Variants in CYB561A3 observed in about 807,000 individuals in gnomAD.
CYB561A3 encodes cytochrome b561 family member A3, also known as lysosomal membrane ascorbate-dependent ferrireductase CYB561A3.
CYB561A3 carries 16 observed loss-of-function variants against 25.3 expected under a neutral mutation model. The observed-to-expected ratio is 0.63, with a 90% CI of 0.43 to 0.96. CYB561A3 has a LOEUF of 0.96. Among genes scored for constraint, CYB561A3 ranks in the 40% least tolerant of loss-of-function variants. CYB561A3 has a pLI of 0.00. For missense variants in CYB561A3, 219 were observed against 307.5 expected (o/e 0.71, Z 2.15); for synonymous variants, 131 against 129.9 (o/e 1.01, Z -0.06).
chr11:61,349,692 G>T lies in CYB561A3; in HGVS notation c.*707C>A, dbSNP rs1197308445. 2.8e-6 allele frequency: 2 copies of T among 701,834 alleles called. No homozygotes were observed. The highest frequency in any genetic ancestry group is 2.0e-5 in the Admixed American group (1 of 49,982). The allele number at this position is 701,834 out of a possible 1,614,324, so 43.5% of individuals were successfully genotyped here. ...TCACAATACATGCAGACACAGAGCA[G>T]CAATACGAAACAGAACAGCTCAGAG... On this transcript the variant is annotated 3_prime_UTR_variant, in exon 7 of 7. Coordinates refer to ENST00000294072, the MANE Select transcript of CYB561A3 (RefSeq NM_153611.6).
At chr11:61,353,400 C>T (rs1857509688) in intron 4 of CYB561A3, 4 of 607,374 alleles carry the variant, frequency 6.6e-6, no homozygotes, top group South Asian at 3.8e-5. Context: ...TCCTTCCAGT[C>T]CTTGCTCATA....
chr11:61,354,059 C>T (rs1857543478), intron 3 of CYB561A3, 67 bp from the exon 4 acceptor site: 6 of 1,550,306 alleles, frequency 3.9e-6, no homozygotes, highest in Non-Finnish European at 4.4e-6. Flanking sequence ...CAGGGAATAA[C>T]CCTGATAGGA....
At chr11:61,354,895 G>C (rs1251317527) in intron 3 of CYB561A3, among the ~76,000 whole-genome samples, 1 of 139,640 alleles carries the variant, frequency 7.2e-6, no homozygotes, top group Non-Finnish European at 1.5e-5. Context: ...TTGAGACAGA[G>C]TCTCGTTCTA....
intron 3 of CYB561A3, 102 bp downstream of exon 3, chr11:61,356,428 A>T: frequency 1.3e-5 from 12 of 950,932 alleles, no homozygotes; most frequent in African/African-American, 1.7e-5. Flanking sequence ...CTACCCCCAT[A>T]GCCCCAAGCC....
At chr11:61,357,418 C>G in intron 2 of CYB561A3, 1 of 567,242 alleles carries the variant, frequency 1.8e-6, no homozygotes, top group Non-Finnish European at 3.1e-6. Flanking sequence ...ACTCATGGTC[C>G]AGAAAGCAAG....
intron 1 of CYB561A3, chr11:61,359,367 A>G (rs1212822330): frequency 2.0e-5 from 3 of 152,188 alleles, no homozygotes; most frequent in African/African-American, 7.2e-5. Flanking sequence ...ACCCAGCCTC[A>G]GAACTGCCTC....
intron 5 of CYB561A3, chr11:61,351,645 G>T (rs1452492378): frequency 6.6e-6 from 1 of 152,106 alleles, no homozygotes; most frequent in African/African-American, 2.4e-5. Flanking sequence ...GCCAGGTGCA[G>T]CGGCTCACTC....
chr11:61,357,086 A>T, intron 2 of CYB561A3: 1 of 1,438,478 alleles, frequency 7.0e-7, no homozygotes, highest in African/African-American at 1.4e-5. Context: ...CATACCCCCC[A>T]GGAAAAAAGG....
intron 3 of CYB561A3, among the ~76,000 whole-genome samples, chr11:61,354,915 C>T (rs1347377562): frequency 6.9e-6 from 1 of 144,454 alleles, no homozygotes; most frequent in Non-Finnish European, 1.5e-5. Context: ...ATCATCCAGG[C>T]TGGAGTGCAG....
chr11:61,359,688 T>A (rs1176541604), intron 1 of CYB561A3: 1 of 152,176 alleles, frequency 6.6e-6, no homozygotes, highest in Non-Finnish European at 1.5e-5. Context: ...AGATAAGCCC[T>A]CCTACTTCCT....
chr11:61,353,251 A>C, intron 4 of CYB561A3, 112 bp from the exon 5 acceptor site: 1 of 1,359,190 alleles, frequency 7.4e-7, no homozygotes, highest in Non-Finnish European at 9.8e-7. Flanking sequence ...TTCACAACTC[A>C]AACCTTCCCA....
chr11:61,349,887 G>A lies in CYB561A3; in HGVS notation c.*512C>T, dbSNP rs544280972. ...AAATGCACACCTTTATGGGGGAAGT[G>A]GACGGACACCTCACCTCCCTCATGT... On this transcript the variant is annotated 3_prime_UTR_variant, in exon 7 of 7. Transcript: ENST00000294072. The A allele has an allele frequency of 1.1e-4, 57 of 536,882 alleles. No homozygotes were observed. The South Asian group carries it at 1.1e-3, about 11-fold the overall frequency. 33.3% of individuals were successfully genotyped at this position (536,882 alleles called of 1,614,324 possible).
intron 3 of CYB561A3, chr11:61,354,689 T>G (rs1857571301): frequency 6.6e-6 from 1 of 152,090 alleles, no homozygotes; most frequent in Non-Finnish European, 1.5e-5. Flanking sequence ...CTCATTCTAT[T>G]TTCACAATAA....
intron 1 of CYB561A3, chr11:61,361,214 C>T (rs1485812114): frequency 6.6e-6 from 1 of 152,192 alleles, no homozygotes; most frequent in African/African-American, 2.4e-5. Context: ...AAGAAAATGA[C>T]TTAGCCAAGG....
At position 61,349,841 on chromosome 11, in the gene CYB561A3, T is replaced by G. The variant is rs556842351; in HGVS notation, c.*558A>C. On this transcript the variant is annotated 3_prime_UTR_variant, in exon 7 of 7. Coordinates refer to ENST00000294072, the MANE Select transcript of CYB561A3 (RefSeq NM_153611.6). ...ATGGCAGAGCAGATGAAGCCTGCTC[T>G]GTGGCGGGGCAGCCTAACTGAAATG... The G allele has an allele frequency of 2.8e-5, 16 of 581,538 alleles. 1 individual carries two copies. In the South Asian group the frequency reaches 3.1e-4, roughly 11 times the overall value. The allele number at this position is 581,538 out of a possible 1,614,324, so 36.0% of individuals were successfully genotyped here.
Position 61,349,530 on chromosome 11 carries a change from G to A in CYB561A3, c.*869C>T, listed in dbSNP as rs1029796775. On this transcript the variant is annotated 3_prime_UTR_variant, in exon 7 of 7. Transcript: ENST00000294072. ...ACTCATCGCTACTGGGACATCTGGG[G>A]ACAGGCTCTGTTCTTGGGAGAGCAG... 13 of 702,762 alleles carry A rather than the reference G, an allele frequency of 1.8e-5. No individual in the cohort carries two copies. The highest frequency in any genetic ancestry group is 2.3e-5 in the Non-Finnish European group (9 of 384,944). The allele number at this position is 702,762 out of a possible 1,614,324, so 43.5% of individuals were successfully genotyped here.
intron 2 of CYB561A3, chr11:61,357,242 G>A (rs775049295): frequency 1.0e-5 from 16 of 1,551,168 alleles, no homozygotes; most frequent in Non-Finnish European, 1.3e-5. Context: ...TCCCCATAGA[G>A]TAAGCTCTAT....
chr11:61,355,114 C>T (rs908372213), intron 3 of CYB561A3, among the ~76,000 whole-genome samples: 2 of 152,000 alleles, frequency 1.3e-5, no homozygotes, highest in African/African-American at 4.8e-5. Flanking sequence ...ATGATCCGCC[C>T]ACCTCAGTCT....
rs1319986630 is a variant in CYB561A3 at position 61,355,637 on chromosome 11, C to T, written c.184+893G>A. On this transcript the variant is annotated intron_variant, in intron 3 of 6. Coordinates refer to ENST00000294072, the MANE Select transcript of CYB561A3 (RefSeq NM_153611.6). ...CGGAGGTTGCAGTGAGCCAAGATCA[C>T]GCCATTGCACTCCAGCCTGGGCAAC... Among the ~76,000 whole-genome samples the T allele has an allele frequency of 3.3e-5, 5 of 150,178 alleles. 1 individual carries two copies. The highest frequency in any genetic ancestry group is 4.2e-4 in the South Asian group (2 of 4,738).
Sources: allele counts gnomAD v4.1 joint callset (sites outside exome capture counted in the v4.1 genomes callset), GRCh38; gene constraint gnomAD v4.1.1; transcripts MANE v1.5; gene names NCBI Gene and HGNC (gene_info 2026-07-23, HGNC 2026-07-21).